Variants in HPS3 observed in about 807,000 individuals in gnomAD.
HPS3 encodes BLOC-2 complex member HPS3.
Under a neutral mutation model 110.9 loss-of-function variants are expected in HPS3, and 79 were observed. The observed-to-expected ratio is 0.71, with a 90% CI of 0.59 to 0.86. HPS3 has a LOEUF of 0.86. Among genes scored for constraint, HPS3 ranks in the 40% least tolerant of loss-of-function variants. HPS3 has a pLI of 0.00. For missense variants in HPS3, 1,197 were observed against 1,206.2 expected (o/e 0.99, Z 0.11); for synonymous variants, 428 against 451.0 (o/e 0.95, Z 0.65).
intron 8 of HPS3, among the ~76,000 whole-genome samples, chr3:149,155,911 G>A (rs1023485923): frequency 3.9e-5 from 6 of 152,082 alleles, no homozygotes; most frequent in African/African-American, 1.4e-4. Flanking sequence ...GCACATACCT[G>A]TAGTCCTAGC....
rs1723920276 is a variant in HPS3, at chr3:149,162,140, A to T, written c.2107-8A>T. 6.2e-7 allele frequency: 1 copy of T among 1,612,664 alleles called. No homozygotes were observed. The highest frequency in any genetic ancestry group is 8.5e-7 in the Non-Finnish European group (1 of 1,178,800). On this transcript the variant is annotated splice_region_variant and splice_polypyrimidine_tract_variant and intron_variant, in intron 11 of 16. Coordinates refer to ENST00000296051, the MANE Select transcript of HPS3 (RefSeq NM_032383.5). ...CCTTTTGTTCCTAAATTTCTTTCTT[A>T]TCTGAAGATGAAGTTGGTATGTGGC...
In HPS3 at chr3:149,129,766, G is replaced by T. The variant is rs776757990; in HGVS notation, c.43G>T (p.Val15Leu). ...CCTGCACCCGTTCGGGTCGCAGCAG[G>T]TGGTGCCCTGCAAGCTGGAGCCGGA... is the stretch of plus-strand genomic sequence containing the variant. Reference protein sequence around the residue: ...YNLHPFGSQQVVPCKLEPDRF... With the variant: ...YNLHPFGSQQLVPCKLEPDRF... The change falls in exon 1 of 17, where the codon GTG becomes TTG. Residue 15 changes from valine (V) to leucine (L), a missense_variant. By Grantham distance (32) the Val-to-Leu change is conservative. Transcript: ENST00000296051. The T allele has an allele frequency of 3.7e-6, 6 of 1,607,770 alleles. No individual in the cohort carries two copies. In the South Asian group the frequency reaches 5.5e-5, roughly 15 times the overall value.
At chr3:149,157,656 A>G in intron 9 of HPS3, 125 bp downstream of exon 9, 1 of 873,860 alleles carries the variant, frequency 1.1e-6, no homozygotes, top group Admixed American at 2.0e-5. Context: ...CCCTTCTTCC[A>G]CAAGCATTTG....
intron 5 of HPS3, among the ~76,000 whole-genome samples, chr3:149,147,065 A>G (rs1269140013): frequency 6.6e-6 from 1 of 152,152 alleles, no homozygotes; most frequent in East Asian, 1.9e-4. Flanking sequence ...GGGAGGATGC[A>G]TGGGAGAGGC....
intron 13 of HPS3, among the ~76,000 whole-genome samples, chr3:149,163,272 G>C (rs1239523310): frequency 2.0e-5 from 3 of 152,170 alleles, no homozygotes; most frequent in Admixed American, 6.5e-5. Context: ...CTGTGGGAGG[G>C]AGACTGCCTT....
In HPS3 at chr3:149,140,029, G is replaced by GA. The variant is rs1336214631; in HGVS notation, c.248dup (p.Asn83LysfsTer15). ...GAGATTATTTGGTAGCAATTGAAGA[G>GA]AAAAACAAAGCTACATTTCTACGTG... is the stretch of plus-strand genomic sequence containing the variant. On this transcript the variant is annotated frameshift_variant, in exon 2 of 17. Transcript: ENST00000296051. LOFTEE classifies it high-confidence loss of function. The GA allele has an allele frequency of 1.2e-6, 2 of 1,613,180 alleles. No homozygotes were observed. The highest frequency in any genetic ancestry group is 3.3e-5 in the Admixed American group (2 of 59,854).
rs10693502 is a variant in HPS3 at position 149,141,200 on chromosome 3, C to CTTTT, written c.884+22_884+25dup. On this transcript the variant is annotated intron_variant, in intron 3 of 16. Coordinates refer to ENST00000296051, the MANE Select transcript of HPS3 (RefSeq NM_032383.5). The stretch of plus-strand genomic sequence containing the variant: ...CACCTGCTCTATAGGTATTATAGTG[C>CTTTT]TTTTTTTTTTTTTACCAGCATTTTA... 209,852 of 1,452,726 alleles carry CTTTT rather than the reference C, an allele frequency of 0.14. 2,643 individuals are homozygous for CTTTT. Among genetic ancestry groups the CTTTT allele is most frequent in the Admixed American group, 0.16 (8,293 of 52,008 alleles). The allele number at this position is 1,452,726 out of a possible 1,614,324, so 90.0% of individuals were successfully genotyped here.
Position 149,155,200 on chromosome 3 carries a change from G to A in HPS3, c.1494G>A (p.Gln498=), listed in dbSNP as rs6440589. Residue 498 remains glutamine (Q), a synonymous_variant, in exon 8 of 17, where the codon CAG becomes CAA. Transcript: ENST00000296051. Reference sequence around the variant, plus strand: ...TTGTGAATACGATCTCACCAGTGCAGCTGTACAAAGAGATGGTACTCTTTT... The same window carrying A: ...TTGTGAATACGATCTCACCAGTGCAACTGTACAAAGAGATGGTACTCTTTT... ...LYIVNTISPV[Q]LYKEMVDYSN... The A allele has an allele frequency of 0.45, 696,577 of 1,539,766 alleles. 161,541 individuals are homozygous for A. Among genetic ancestry groups the A allele is most frequent in the African/African-American group, 0.66 (48,497 of 73,240 alleles).
In HPS3 at chr3:149,141,297, G is replaced by A. The variant is rs141832148; in HGVS notation, c.887G>A (p.Arg296His). Residue 296 changes from arginine (R) to histidine (H), a missense_variant and splice_region_variant, in exon 4 of 17, where the codon CGT becomes CAT. By Grantham distance (29) the Arg-to-His change is conservative. Transcript: ENST00000296051. ...YSHFQHLLYR[R>H]FAPDISSYVL... ...TCTCTGTCTTTTTAAACCCACAGAC[G>A]TTTTGCTCCTGATATTTCGTCCTAT... is the stretch of plus-strand genomic sequence containing the variant. 1.1e-4 allele frequency: 183 copies of A among 1,612,260 alleles called. 1 individual carries two copies. The African/African-American group carries it at 1.9e-3, about 16-fold the overall frequency.
At chr3:149,133,253 CAATT>C (rs1266076953) in intron 1 of HPS3, among the ~76,000 whole-genome samples, 1 of 152,048 alleles carries the variant, frequency 6.6e-6, no homozygotes, top group Non-Finnish European at 1.5e-5. Context: ...AAGGAAGAGT[CAATT>C]GATGGAGCAA....
rs1722530312 is a variant in HPS3 at position 149,142,397 on chromosome 3, C to T, written c.970+1017C>T. Among the ~76,000 whole-genome samples, 3 of 152,106 alleles carry T rather than the reference C, an allele frequency of 2.0e-5. No homozygotes were observed. In the South Asian group the frequency reaches 6.2e-4, roughly 31 times the overall value. On this transcript the variant is annotated intron_variant, in intron 4 of 16. Transcript: ENST00000296051. The stretch of plus-strand genomic sequence containing the variant: ...GGACTGAATGGAAAATAATTTAGAG[C>T]AGTTGTTTTCAACCCTGCCACACAA...
At position 149,162,138 on chromosome 3, in the gene HPS3, T is replaced by A. The variant is rs1252940266; in HGVS notation, c.2107-10T>A. The A allele has an allele frequency of 1.2e-6, 2 of 1,612,224 alleles. No individual in the cohort carries two copies. The highest frequency in any genetic ancestry group is 1.7e-6 in the Non-Finnish European group (2 of 1,178,510). ...TACCTTTTGTTCCTAAATTTCTTTC[T>A]TATCTGAAGATGAAGTTGGTATGTG... On this transcript the variant is annotated splice_polypyrimidine_tract_variant and intron_variant, in intron 11 of 16. Transcript: ENST00000296051.
intron 1 of HPS3, among the ~76,000 whole-genome samples, chr3:149,131,297 G>C (rs1241767087): frequency 6.6e-6 from 1 of 151,942 alleles, no homozygotes; most frequent in Non-Finnish European, 1.5e-5. Flanking sequence ...TCACTTTGTT[G>C]TACTTTGCCG....
chr3:149,167,064 G>A lies in HPS3; in HGVS notation c.2620G>A (p.Ala874Thr). The A allele has an allele frequency of 6.2e-7, 1 of 1,613,518 alleles. No homozygotes were observed. The highest frequency in any genetic ancestry group is 8.5e-7 in the Non-Finnish European group (1 of 1,179,624). Residue 874 changes from alanine to threonine, a missense_variant, in exon 15 of 17, where the codon GCT (alanine) becomes ACT (threonine). Coordinates refer to ENST00000296051, the MANE Select transcript of HPS3 (RefSeq NM_032383.5). ...TATATGTGGTCCTTCATTTGACATA[G>A]CTTCCATTATTCCGTTCTTGGAGCC... ...SLICGPSFDIASIIPFLEPLS... is the reference protein window; with the variant it reads ...SLICGPSFDITSIIPFLEPLS...
rs1724517800 is a variant in HPS3, at chr3:149,167,255, A to G, written c.2796+15A>G. Reference sequence around the variant, plus strand: ...AAGAGAACCGGGTATGCTTTTTCAGATTATGTTTTTAGGCTTGATCAGTGA... The same window carrying G: ...AAGAGAACCGGGTATGCTTTTTCAGGTTATGTTTTTAGGCTTGATCAGTGA... On this transcript the variant is annotated intron_variant, in intron 15 of 16. Transcript: ENST00000296051. 2 of 1,596,290 alleles carry G rather than the reference A, an allele frequency of 1.3e-6. No individual in the cohort carries two copies.
intron 4 of HPS3, among the ~76,000 whole-genome samples, chr3:149,144,774 C>G (rs1463354061): frequency 6.6e-6 from 1 of 152,088 alleles, no homozygotes; most frequent in Non-Finnish European, 1.5e-5. Flanking sequence ...TGAAATATGA[C>G]TAGTCTGAAT....
chr3:149,171,554 A>AT (rs1201907313), intron 16 of HPS3, among the ~76,000 whole-genome samples: 4 of 152,246 alleles, frequency 2.6e-5, no homozygotes, highest in African/African-American at 9.6e-5. Flanking sequence ...GAAATAATAA[A>AT]TCCAAATTTC....
At position 149,167,038 on chromosome 3, in the gene HPS3, T is replaced by TTATATGTGGTCC; in HGVS notation, c.2596_2607dup (p.Ile866_Pro869dup). On this transcript the variant is annotated inframe_insertion, in exon 15 of 17. Coordinates refer to ENST00000296051, the MANE Select transcript of HPS3 (RefSeq NM_032383.5). The stretch of plus-strand genomic sequence containing the variant: ...ATTTCACTTTTCTGTTCATAGTCTC[T>TTATATGTGGTCC]TATATGTGGTCCTTCATTTGACATA... 1 of 1,611,044 alleles carries TTATATGTGGTCC rather than the reference T, an allele frequency of 6.2e-7. No individual in the cohort carries two copies. Among genetic ancestry groups the TTATATGTGGTCC allele is most frequent in the South Asian group, 1.1e-5 (1 of 91,026 alleles).
chr3:149,136,457 G>A (rs1472212942), intron 1 of HPS3, among the ~76,000 whole-genome samples: 3 of 152,164 alleles, frequency 2.0e-5, no homozygotes, highest in Admixed American at 6.5e-5. Flanking sequence ...ACAGACTCCT[G>A]TAGAGTTGTA....
Sources: allele counts gnomAD v4.1 joint callset (sites outside exome capture counted in the v4.1 genomes callset), GRCh38; gene constraint gnomAD v4.1.1; transcripts MANE v1.5; gene names NCBI Gene and HGNC (gene_info 2026-07-23, HGNC 2026-07-21).